Variants in TRPM2 observed in about 807,000 individuals in gnomAD.
TRPM2 encodes estrogen-responsive element-associated gene 1 protein.
A neutral mutation model predicts 174.0 loss-of-function variants in TRPM2; 161 were observed. The observed-to-expected ratio is 0.93, with a 90% CI of 0.81 to 1.05. The LOEUF is 1.05. Ranked by LOEUF, TRPM2 falls within the 50% of genes least tolerant of loss-of-function variation. The pLI is 0.00. For missense variants in TRPM2, 2,057 were observed against 2,038.0 expected (o/e 1.01, Z -0.18); for synonymous variants, 954 against 861.3 (o/e 1.11, Z -1.88).
intron 4 of TRPM2, among the ~76,000 whole-genome samples, chr21:44,368,483 T>G (rs1363249710): frequency 6.6e-6 from 1 of 151,042 alleles, no homozygotes; most frequent in East Asian, 1.9e-4. Flanking sequence ...TGGAGTGCAG[T>G]GGTGGTGGCG....
At chr21:44,406,799 G>A in intron 19 of TRPM2, 34 bp downstream of exon 19, 1 of 1,573,456 alleles carries the variant, frequency 6.4e-7, no homozygotes, top group Non-Finnish European at 8.6e-7. Flanking sequence ...CTCGGGTGGT[G>A]CTGCCGGGAA....
chr21:44,379,299 C>T, intron 8 of TRPM2, 102 bp downstream of exon 8: 1 of 1,388,584 alleles, frequency 7.2e-7, no homozygotes, highest in Non-Finnish European at 9.9e-7. Flanking sequence ...TGCGGAGAAC[C>T]CACTGGGTCT....
At chr21:44,378,254 A>T (rs2048765072) in intron 7 of TRPM2, among the ~76,000 whole-genome samples, 5 of 152,210 alleles carry the variant, frequency 3.3e-5, no homozygotes. Context: ...TCCCGACCCT[A>T]ACCCTAACTG....
In TRPM2 at chr21:44,366,950, G is replaced by C. The variant is rs753745223; in HGVS notation, c.604+16G>C. 1 of 1,559,500 alleles carries C rather than the reference G, an allele frequency of 6.4e-7. No homozygotes were observed. The highest frequency in any genetic ancestry group is 8.7e-7 in the Non-Finnish European group (1 of 1,149,128). On this transcript the variant is annotated intron_variant, in intron 4 of 31. Coordinates refer to ENST00000397928, the MANE Select transcript of TRPM2 (RefSeq NM_003307.4). This position sits in a 1 kb window ranked among gnomAD's most constrained non-coding sequence, Gnocchi z 6.0. ...CAGACCACAGGTAACTCGGAGGCTG[G>C]AGGGACACGAGGCCCCGGCGGGTGG...
chr21:44,403,889 T>C (rs149316222), intron 16 of TRPM2, among the ~76,000 whole-genome samples: 460 of 148,282 alleles, frequency 3.1e-3, no homozygotes, highest in Non-Finnish European at 5.2e-3. Context: ...CACATGCACA[T>C]ACATATACAG....
rs372591055 is a variant in TRPM2, at chr21:44,366,590, G to A, written c.424-164G>A. 2.8e-4 allele frequency among the ~76,000 whole-genome samples: 43 copies of A among 152,222 alleles called. No individual in the cohort carries two copies. The East Asian group carries it at 6.4e-3, about 23-fold the overall frequency. ...GGCCTCTCTGCCTCCCTCTTCTCTCGTGATCTGTGCCCTGCCCACATGGGG... is the reference window on the plus strand; with the variant it reads ...GGCCTCTCTGCCTCCCTCTTCTCTCATGATCTGTGCCCTGCCCACATGGGG... On this transcript the variant is annotated intron_variant, in intron 3 of 31. Transcript: ENST00000397928. This position sits in a 1 kb window ranked among gnomAD's most constrained non-coding sequence, Gnocchi z 6.0.
At chr21:44,407,165 T>C (rs1006685033) in intron 19 of TRPM2, among the ~76,000 whole-genome samples, 1 of 832 alleles carries the variant, frequency 1.2e-3, no homozygotes. Context: ...CTTCCATTTT[T>C]TGACAGGGTT....
In TRPM2 at chr21:44,432,102, G is replaced by T. The variant is rs527412011; in HGVS notation, c.3975-3029G>T. Among the ~76,000 whole-genome samples, 2 of 152,248 alleles carry T rather than the reference G, an allele frequency of 1.3e-5. No individual in the cohort carries two copies. The highest frequency in any genetic ancestry group is 4.1e-4 in the South Asian group (2 of 4,834). On this transcript the variant is annotated intron_variant, in intron 27 of 31. Coordinates refer to ENST00000397928, the MANE Select transcript of TRPM2 (RefSeq NM_003307.4). This position sits in a 1 kb window ranked among gnomAD's most constrained non-coding sequence, Gnocchi z 4.9. ...TATAGGAGTGACTGTCCCCACGTCT[G>T]TCTGGGGCCAGCCCCCTCACTGTAT...
chr21:44,405,318 G>A lies in TRPM2; in HGVS notation c.2657+58G>A, dbSNP rs895914436. On this transcript the variant is annotated intron_variant, in intron 17 of 31. Coordinates refer to ENST00000397928, the MANE Select transcript of TRPM2 (RefSeq NM_003307.4). The stretch of plus-strand genomic sequence containing the variant: ...TGAGGCAGCCAGCCCTGCAGGGGAT[G>A]AGCACAGGCCGGGCCCAGAACCAGC... The A allele has an allele frequency of 3.1e-6, 5 of 1,602,378 alleles. No homozygotes were observed. In the African/African-American group the frequency reaches 6.7e-5, roughly 21 times the overall value.
intron 23 of TRPM2, among the ~76,000 whole-genome samples, chr21:44,424,153 C>G (rs2050662483): frequency 6.6e-6 from 1 of 152,202 alleles, no homozygotes; most frequent in Non-Finnish European, 1.5e-5. Flanking sequence ...CCGGGCTGTG[C>G]TGTCCAACAA....
chr21:44,415,361 G>C (rs2050244555), intron 20 of TRPM2: 1 of 152,304 alleles, frequency 6.6e-6, no homozygotes, highest in Non-Finnish European at 1.5e-5. Flanking sequence ...TTATCTGCAT[G>C]GGCCCGACAT....
rs2048354460 is a variant in TRPM2 at position 44,366,135 on chromosome 21, G to C, written c.424-619G>C. 1.3e-5 allele frequency among the ~76,000 whole-genome samples: 2 copies of C among 152,166 alleles called. No homozygotes were observed. Among genetic ancestry groups the C allele is most frequent in the South Asian group, 4.1e-4 (2 of 4,832 alleles). ...CTTGGGAGGGTCTCCTGGAGGACGG[G>C]GGGCCAGAGTGACGACAGAACCTGG... On this transcript the variant is annotated intron_variant, in intron 3 of 31. Transcript: ENST00000397928. The surrounding 1 kb of genome is among the most constrained non-coding windows in gnomAD (Gnocchi z 6.0).
chr21:44,373,565 A>G (rs1288437317), intron 5 of TRPM2, among the ~76,000 whole-genome samples: 1 of 105,648 alleles, frequency 9.5e-6, no homozygotes, highest in Non-Finnish European at 2.2e-5. Flanking sequence ...CCTGCATTAT[A>G]TGCGACCTGC....
chr21:44,407,038 G>C (rs1356495291), intron 19 of TRPM2, among the ~76,000 whole-genome samples: 1 of 149,404 alleles, frequency 6.7e-6, no homozygotes, highest in African/African-American at 2.5e-5. Context: ...GGCATCAGCT[G>C]ACAGCCCCCT....
intron 2 of TRPM2, among the ~76,000 whole-genome samples, chr21:44,360,477 G>T (rs1372648275): frequency 6.6e-6 from 1 of 152,114 alleles, no homozygotes; most frequent in East Asian, 1.9e-4. Context: ...AGGGCCCCAC[G>T]GTTCCCCCTG....
Position 44,364,171 on chromosome 21 carries a change from G to A in TRPM2, c.312G>A (p.Lys104=), listed in dbSNP as rs755402863. The A allele has an allele frequency of 8.1e-6, 13 of 1,614,090 alleles. No individual in the cohort carries two copies. In the Admixed American group the frequency reaches 1.3e-4, roughly 17 times the overall value. Residue 104 remains lysine, a synonymous_variant, in exon 3 of 32, where the codon AAG becomes AAA. Transcript: ENST00000397928. Reference sequence around the variant, plus strand: ...AGCAGCACTTGGAGGAGGCTACCAAGCCCCACACCTTCCAGGGCACACAGT... The same window carrying A: ...AGCAGCACTTGGAGGAGGCTACCAAACCCCACACCTTCCAGGGCACACAGT... ...THEQHLEEAT[K]PHTFQGTQWD... is the part of the protein sequence containing the mutation.
chr21:44,381,033 G>C (rs1405848647), intron 8 of TRPM2, among the ~76,000 whole-genome samples: 1 of 152,122 alleles, frequency 6.6e-6, no homozygotes, highest in Non-Finnish European at 1.5e-5. Flanking sequence ...CTGGATGAGG[G>C]TGGAGTTCGC....
intron 28 of TRPM2, 150 bp downstream of exon 28, chr21:44,435,367 CTG>C: frequency 1.3e-6 from 1 of 773,466 alleles, no homozygotes; most frequent in Non-Finnish European, 2.1e-6. Context: ...CGGGAGGCGT[CTG>C]TGGATAAACG....
chr21:44,378,033 G>A (rs9974185), intron 7 of TRPM2, among the ~76,000 whole-genome samples: 5,180 of 152,304 alleles, frequency 0.034, 263 homozygotes, highest in African/African-American at 0.11. Context: ...GGAAAGGGTG[G>A]GGCCCCAGGG....
Sources: gnomAD v4.1 joint callset for allele counts (sites outside exome capture counted in the v4.1 genomes callset) on GRCh38, gnomAD v4.1.1 for gene constraint, Gnocchi (gnomAD v3.1) non-coding constraint, MANE v1.5 for transcripts, NCBI Gene and HGNC (gene_info 2026-07-23, HGNC 2026-07-21) for gene names.